The following ENAH variants were observed in gnomAD, a reference collection of about 807,000 sequenced individuals.
ENAH encodes the protein protein enabled homolog.
ENAH carries 23 observed loss-of-function variants against 78.7 expected under a neutral mutation model. That is an observed-to-expected ratio of 0.29 (90% CI 0.21 to 0.41). The LOEUF is 0.41. Among genes scored for constraint, ENAH ranks in the 10% least tolerant of loss-of-function variants. ENAH has a pLI of 1.00. For missense variants in ENAH, 544 were observed against 691.0 expected (o/e 0.79, Z 2.39); for synonymous variants, 226 against 241.0 (o/e 0.94, Z 0.58).
At chr1:225,516,146 A>AC (rs1265740769) in intron 6 of ENAH, among the ~76,000 whole-genome samples, 1 of 152,198 alleles carries the variant, frequency 6.6e-6, no homozygotes, top group Admixed American at 6.5e-5. Context: ...TAATCCACTT[A>AC]GAGATTACAT....
chr1:225,556,013 T>C (rs917065598), intron 2 of ENAH, among the ~76,000 whole-genome samples: 4 of 152,202 alleles, frequency 2.6e-5, no homozygotes, highest in East Asian at 3.8e-4. Context: ...ATCCTCAAAA[T>C]TGTAAGAGCC....
chr1:225,542,323 A>T (rs1234110927), intron 3 of ENAH, among the ~76,000 whole-genome samples: 2 of 152,246 alleles, frequency 1.3e-5, no homozygotes, highest in African/African-American at 2.4e-5. Context: ...TGGTTGAGAG[A>T]AGGCATACAG....
chr1:225,636,291 A>C (rs1660050547), intron 1 of ENAH, among the ~76,000 whole-genome samples: 1 of 152,240 alleles, frequency 6.6e-6, no homozygotes, highest in Admixed American at 6.5e-5. Context: ...GAAAAAACTA[A>C]CAGTCAATAT....
At chr1:225,535,421 A>C in intron 3 of ENAH, 38 of 741,874 alleles carry the variant, frequency 5.1e-5, no homozygotes, top group Non-Finnish European at 7.8e-5. Flanking sequence ...AAACCAGACT[A>C]TGGCCTAAGA....
intron 1 of ENAH, among the ~76,000 whole-genome samples, chr1:225,569,517 A>T (rs1163509272): frequency 6.6e-6 from 1 of 152,204 alleles, no homozygotes; most frequent in Non-Finnish European, 1.5e-5. Context: ...TGTCAGTAAG[A>T]TCATATAAGC....
intron 2 of ENAH, among the ~76,000 whole-genome samples, chr1:225,564,903 A>G (rs1289631228): frequency 6.6e-6 from 1 of 151,936 alleles, no homozygotes; most frequent in African/African-American, 2.4e-5. Flanking sequence ...ATCTAAGGAC[A>G]GCTTAGATGT....
At chr1:225,517,629 C>T (rs781635962) in intron 5 of ENAH, 31 of 1,550,068 alleles carry the variant, frequency 2.0e-5, no homozygotes, top group African/African-American at 1.1e-4. Context: ...GAGGGAGGGG[C>T]GAAAAATTGG....
At chr1:225,503,574 C>G (rs773652952) in intron 11 of ENAH, among the ~76,000 whole-genome samples, 1 of 142,010 alleles carries the variant, frequency 7.0e-6, no homozygotes, top group Non-Finnish European at 1.5e-5. Context: ...TGGCACCCAG[C>G]CTTAAAAATC....
At chr1:225,536,721 T>C (rs1362776929) in intron 3 of ENAH, among the ~76,000 whole-genome samples, 1 of 152,034 alleles carries the variant, frequency 6.6e-6, no homozygotes, top group Non-Finnish European at 1.5e-5. Flanking sequence ...AAGAGAATTT[T>C]TCATCATTTT....
intron 9 of ENAH, 26 bp from the exon 10 acceptor site, chr1:225,511,885 T>A (rs1212175788): frequency 6.7e-7 from 1 of 1,500,712 alleles, no homozygotes; most frequent in South Asian, 1.2e-5. Context: ...TATATTAATA[T>A]CACATCTACC....
At chr1:225,622,518 A>T (rs1029535060) in intron 1 of ENAH, among the ~76,000 whole-genome samples, 13 of 152,156 alleles carry the variant, frequency 8.5e-5, no homozygotes, top group African/African-American at 3.1e-4. Flanking sequence ...AATACCTTAG[A>T]CTGAGTAATT....
chr1:225,548,301 T>G (rs541627494), intron 3 of ENAH, among the ~76,000 whole-genome samples: 8 of 151,948 alleles, frequency 5.3e-5, no homozygotes, highest in African/African-American at 1.9e-4. Flanking sequence ...TATCCTGACA[T>G]AAATATTCTC....
intron 1 of ENAH, among the ~76,000 whole-genome samples, chr1:225,639,385 G>T (rs1660613557): frequency 1.3e-5 from 2 of 152,146 alleles, no homozygotes; most frequent in Admixed American, 1.3e-4. Flanking sequence ...AACTCATGTT[G>T]AAATTTAACT....
intron 1 of ENAH, among the ~76,000 whole-genome samples, chr1:225,580,744 C>T (rs1406816987): frequency 6.6e-6 from 1 of 151,614 alleles, no homozygotes; most frequent in African/African-American, 2.4e-5. Context: ...ATGGTGAAAC[C>T]CTGTCTCTAT....
At position 225,489,567 on chromosome 1, in the gene ENAH, AAAG is replaced by A. The variant is rs769297854; in HGVS notation, c.*8205_*8207del. On this transcript the variant is annotated 3_prime_UTR_variant, in exon 14 of 14. Transcript: ENST00000366843. The stretch of plus-strand genomic sequence containing the variant: ...TTTTTCTCCTTCTCTTCAAAGATCA[AAAG>A]AAGAATAAACCAAAAAAGATTAAAA... 6.6e-6 allele frequency: 1 copy of A among 151,938 alleles called. No individual in the cohort carries two copies. The highest frequency in any genetic ancestry group is 1.5e-5 in the Non-Finnish European group (1 of 67,988). The allele number at this position is 151,938 out of a possible 1,614,324, so 9.4% of individuals were successfully genotyped here.
chr1:225,530,695 G>A, intron 3 of ENAH, 57 bp from the exon 4 acceptor site: 1 of 1,304,902 alleles, frequency 7.7e-7, no homozygotes, highest in Non-Finnish European at 1.1e-6. Flanking sequence ...GCTGGACAGA[G>A]GAGATAAAAT....
intron 3 of ENAH, among the ~76,000 whole-genome samples, chr1:225,545,403 A>G (rs2096608545): frequency 6.6e-6 from 1 of 152,198 alleles, no homozygotes; most frequent in Admixed American, 6.5e-5. Context: ...TAAAGACCCT[A>G]AAGAGCTTTT....
At chr1:225,633,976 T>TAAAA (rs1659593586) in intron 1 of ENAH, among the ~76,000 whole-genome samples, 1 of 152,170 alleles carries the variant, frequency 6.6e-6, no homozygotes, top group Admixed American at 6.5e-5. Context: ...AAAAATAAGT[T>TAAAA]TATTTTAAGT....
At chr1:225,504,908 C>T in intron 11 of ENAH, 1 of 1,003,650 alleles carries the variant, frequency 1.0e-6, no homozygotes, top group South Asian at 1.9e-5. Flanking sequence ...GTGGTGATTA[C>T]CAATCCAGGT....
Sources: allele counts gnomAD v4.1 joint callset (sites outside exome capture counted in the v4.1 genomes callset), GRCh38; gene constraint gnomAD v4.1.1; transcripts MANE v1.5; gene names NCBI Gene and HGNC (gene_info 2026-07-23, HGNC 2026-07-21).